Variants in MAML2 observed in about 807,000 individuals in gnomAD.
MAML2 encodes mastermind-like protein 2.
A neutral mutation model predicts 96.1 loss-of-function variants in MAML2; 22 were observed. That is an observed-to-expected ratio of 0.23 (90% CI 0.16 to 0.33). The LOEUF is 0.33. MAML2 is among the 10% of genes least tolerant of loss of function. The probability of loss-of-function intolerance (pLI) is 1.00; values close to 1 mark genes in which losing one functional copy is unlikely to be tolerated. For missense variants in MAML2, 1,367 were observed against 1,392.4 expected, an observed-to-expected ratio of 0.98 and a Z score of 0.29; for synonymous variants, 561 against 521.3, an observed-to-expected ratio of 1.08 and a Z score of -1.04.
intron 1 of MAML2, among the ~76,000 whole-genome samples, chr11:96,297,434 G>A (rs533902617): frequency 6.6e-6 from 1 of 152,100 alleles, no homozygotes; most frequent in East Asian, 1.9e-4. Context: ...AATTAGCTGG[G>A]TGTGGTGGTG....
intron 1 of MAML2, among the ~76,000 whole-genome samples, chr11:96,215,413 T>C (rs1439607466): frequency 1.3e-5 from 2 of 152,192 alleles, no homozygotes; most frequent in Non-Finnish European, 2.9e-5. Flanking sequence ...CCACTTCCTG[T>C]TATTTTTAAT....
chr11:96,159,633 C>G (rs1861073571), intron 1 of MAML2, among the ~76,000 whole-genome samples: 1 of 151,986 alleles, frequency 6.6e-6, no homozygotes, highest in Admixed American at 6.6e-5. Flanking sequence ...ACCGTGTTAG[C>G]CAGGATGGTC....
chr11:96,176,234 A>G lies in MAML2; in HGVS notation c.514-82717T>C, dbSNP rs1046476837. 2.6e-5 allele frequency among the ~76,000 whole-genome samples: 4 copies of G among 152,288 alleles called. No individual in the cohort carries two copies. In the East Asian group the frequency reaches 7.7e-4, roughly 29 times the overall value. On this transcript the variant is annotated intron_variant, in intron 1 of 4. Coordinates refer to ENST00000524717, the MANE Select transcript of MAML2 (RefSeq NM_032427.4). ...GAAATCCACACTTATTTAACCCCAC[A>G]AAGTTGTCTCCATATAAAAACTTAA... is the stretch of plus-strand genomic sequence containing the variant.
chr11:96,319,701 C>T (rs1427836979), intron 1 of MAML2, among the ~76,000 whole-genome samples: 2 of 152,146 alleles, frequency 1.3e-5, no homozygotes, highest in East Asian at 3.9e-4. Context: ...GAGGAGTATA[C>T]ATCTCCCCCA....
chr11:96,166,741 C>T (rs1474006450), intron 1 of MAML2, among the ~76,000 whole-genome samples: 1 of 152,162 alleles, frequency 6.6e-6, no homozygotes, highest in African/African-American at 2.4e-5. Context: ...AGGTTTCAGC[C>T]TATCTAGAAC....
intron 2 of MAML2, among the ~76,000 whole-genome samples, chr11:96,005,602 G>A (rs911841558): frequency 6.6e-6 from 1 of 152,212 alleles, no homozygotes; most frequent in Non-Finnish European, 1.5e-5. Flanking sequence ...AGGGTGGAGA[G>A]TAGGGGATCA....
At chr11:95,995,119 A>G (rs781618371) in intron 2 of MAML2, among the ~76,000 whole-genome samples, 5 of 152,250 alleles carry the variant, frequency 3.3e-5, no homozygotes, top group Non-Finnish European at 5.9e-5. Context: ...ACATAGGAAC[A>G]ATAGTCTGTT....
chr11:96,332,135 G>A (rs1346598672), intron 1 of MAML2, among the ~76,000 whole-genome samples: 3 of 152,168 alleles, frequency 2.0e-5, no homozygotes, highest in Non-Finnish European at 2.9e-5. Context: ...TTTATTATAT[G>A]CTAAAGTAGC....
chr11:96,164,317 C>T (rs1361153391), intron 1 of MAML2, among the ~76,000 whole-genome samples: 2 of 152,160 alleles, frequency 1.3e-5, no homozygotes, highest in Non-Finnish European at 2.9e-5. Flanking sequence ...CAGAGATCAT[C>T]TTGTCAACTC....
At chr11:96,062,429 G>A (rs1458169000) in intron 2 of MAML2, among the ~76,000 whole-genome samples, 3 of 152,170 alleles carry the variant, frequency 2.0e-5, no homozygotes, top group Non-Finnish European at 2.9e-5. Context: ...AGCTTACATA[G>A]GCATCCAGCT....
At chr11:96,340,232 A>G (rs538299054) in intron 1 of MAML2, among the ~76,000 whole-genome samples, 2 of 152,302 alleles carry the variant, frequency 1.3e-5, no homozygotes, top group African/African-American at 4.8e-5. Context: ...GAGCAGTTAG[A>G]CACAATAGCA....
intron 1 of MAML2, among the ~76,000 whole-genome samples, chr11:96,155,022 A>G (rs963446374): frequency 3.3e-5 from 5 of 152,174 alleles, no homozygotes; most frequent in Non-Finnish European, 5.9e-5. Context: ...GCCTGCTGGC[A>G]GGGAGCAGTG....
intron 2 of MAML2, among the ~76,000 whole-genome samples, chr11:96,019,921 A>C (rs1040686712): frequency 1.3e-5 from 2 of 152,208 alleles, no homozygotes; most frequent in Non-Finnish European, 1.5e-5. Context: ...CTTATGACTC[A>C]AAGTTCAAAC....
intron 1 of MAML2, among the ~76,000 whole-genome samples, chr11:96,151,063 C>T (rs1016557138): frequency 1.3e-5 from 2 of 152,248 alleles, no homozygotes; most frequent in Admixed American, 6.5e-5. Context: ...TATCTCCCAT[C>T]ATTGCTGAAA....
chr11:96,322,303 TTAAAAA>T (rs901755190), intron 1 of MAML2, among the ~76,000 whole-genome samples: 20 of 152,206 alleles, frequency 1.3e-4, no homozygotes, highest in Admixed American at 7.9e-4. Context: ...AAGAGGTCAC[TTAAAAA>T]TAAAGCAAAA....
chr11:96,124,365 C>T (rs183768844), intron 1 of MAML2, among the ~76,000 whole-genome samples: 3 of 152,210 alleles, frequency 2.0e-5, no homozygotes, highest in East Asian at 1.9e-4. Flanking sequence ...CCAGTAATTA[C>T]GACACAGGAT....
intron 2 of MAML2, among the ~76,000 whole-genome samples, chr11:95,998,129 T>TCTGTCTGTCA (rs1565184925): frequency 4.3e-5 from 6 of 139,310 alleles, no homozygotes; most frequent in Non-Finnish European, 7.9e-5. Flanking sequence ...TCTATCTGTC[T>TCTGTCTGTCA]GTCTGTCTGT....
At chr11:96,323,855 A>G (rs1046930289) in intron 1 of MAML2, among the ~76,000 whole-genome samples, 2 of 152,212 alleles carry the variant, frequency 1.3e-5, no homozygotes, top group Non-Finnish European at 2.9e-5. Flanking sequence ...ACAGCCCTCC[A>G]GGTGGCTACT....
At chr11:96,039,685 G>A (rs557491470) in intron 2 of MAML2, among the ~76,000 whole-genome samples, 14 of 148,966 alleles carry the variant, frequency 9.4e-5, no homozygotes, top group African/African-American at 7.3e-5. Flanking sequence ...GGTGGCTCAC[G>A]CCTGTAATCC....
Sources: allele counts gnomAD v4.1 joint callset (sites outside exome capture counted in the v4.1 genomes callset), GRCh38; gene constraint gnomAD v4.1.1; transcripts MANE v1.5; gene names NCBI Gene and HGNC (gene_info 2026-07-23, HGNC 2026-07-21).